KCNH8: variants seen among roughly 807,000 people sequenced by gnomAD.
KCNH8 encodes the protein potassium voltage-gated channel subfamily H member 8.
In KCNH8, 70 loss-of-function variants were observed where a neutral mutation model predicts 103.6. The ratio of observed to expected loss-of-function variants is 0.68; its 90% confidence interval spans 0.56 to 0.82. The LOEUF (loss-of-function observed/expected upper bound fraction) is 0.82. Among genes scored for constraint, KCNH8 ranks in the 40% least tolerant of loss-of-function variants. KCNH8 has a pLI of 0.00. For missense variants in KCNH8, 1,217 were observed against 1,329.9 expected, an observed-to-expected ratio of 0.92 and a Z score of 1.32; for synonymous variants, 498 against 489.4, an observed-to-expected ratio of 1.02 and a Z score of -0.23.
chr3:19,178,861 A>G (rs1428295565), intron 1 of KCNH8, among the ~76,000 whole-genome samples: 1 of 152,126 alleles, frequency 6.6e-6, no homozygotes, highest in East Asian at 1.9e-4. Context: ...GTGTTGGCTG[A>G]GCATTCTGTC....
chr3:19,402,630 C>T lies in KCNH8; in HGVS notation c.1177+7319C>T, dbSNP rs116730291. 7.4e-3 allele frequency among the ~76,000 whole-genome samples: 1,120 copies of T among 151,936 alleles called. 12 individuals are homozygous for T. The highest frequency in any genetic ancestry group is 0.026 in the African/African-American group (1,080 of 41,512). On this transcript the variant is annotated intron_variant, in intron 7 of 15. Transcript: ENST00000328405. Reference sequence around the variant, plus strand: ...ACAGGAATGTGTATATGCTATACCACAAATTCCTGTCTTCGTGTTCTCCAC... The same window carrying T: ...ACAGGAATGTGTATATGCTATACCATAAATTCCTGTCTTCGTGTTCTCCAC...
At chr3:19,219,314 T>C (rs1371497182) in intron 1 of KCNH8, among the ~76,000 whole-genome samples, 1 of 152,176 alleles carries the variant, frequency 6.6e-6, no homozygotes, top group Non-Finnish European at 1.5e-5. Flanking sequence ...TCAAACTCTT[T>C]TGTCTGTTGC....
At chr3:19,258,941 CTCTCTCTATATATATATATATA>C (rs2064386327) in intron 2 of KCNH8, among the ~76,000 whole-genome samples, 2 of 64,528 alleles carry the variant, frequency 3.1e-5, no homozygotes, top group Admixed American at 1.5e-4. Context: ...CTCTCTCTCT[CTCTCTCTATATATATATATATA>C]TATATATATA....
intron 4 of KCNH8, among the ~76,000 whole-genome samples, chr3:19,343,274 A>G (rs1328139522): frequency 6.6e-6 from 1 of 152,134 alleles, no homozygotes; most frequent in Non-Finnish European, 1.5e-5. Context: ...TCACACTTCT[A>G]GTAAATTACA....
At chr3:19,284,217 A>G (rs1232084244) in intron 3 of KCNH8, among the ~76,000 whole-genome samples, 1 of 152,092 alleles carries the variant, frequency 6.6e-6, no homozygotes, top group East Asian at 1.9e-4. Context: ...AAGTTCATCT[A>G]AGTTGTAGGA....
intron 1 of KCNH8, among the ~76,000 whole-genome samples, chr3:19,203,817 A>G (rs1029020502): frequency 2.0e-5 from 3 of 152,222 alleles, no homozygotes; most frequent in Admixed American, 1.3e-4. Context: ...TAAATATTTT[A>G]GCATTCTTAA....
At chr3:19,301,067 C>T (rs1216948857) in intron 3 of KCNH8, among the ~76,000 whole-genome samples, 1 of 151,212 alleles carries the variant, frequency 6.6e-6, no homozygotes, top group African/African-American at 2.4e-5. Flanking sequence ...GTGGTATGAG[C>T]AATATTATTA....
At chr3:19,219,068 C>G (rs2125230058) in intron 1 of KCNH8, among the ~76,000 whole-genome samples, 1 of 152,264 alleles carries the variant, frequency 6.6e-6, no homozygotes, top group East Asian at 1.9e-4. Flanking sequence ...TCTTCCTACC[C>G]ACTGTGGGGC....
chr3:19,439,908 G>A (rs1174778796), intron 8 of KCNH8, among the ~76,000 whole-genome samples: 1 of 151,888 alleles, frequency 6.6e-6, no homozygotes, highest in Non-Finnish European at 1.5e-5. Flanking sequence ...AAAAGGAACT[G>A]AAGGGAAGGA....
intron 15 of KCNH8, among the ~76,000 whole-genome samples, chr3:19,524,570 C>G (rs998358717): frequency 2.0e-4 from 30 of 151,478 alleles, no homozygotes; most frequent in African/African-American, 6.8e-4. Context: ...AAATTCTAAA[C>G]AACAATGTGG....
At chr3:19,404,779 C>T (rs2066667072) in intron 7 of KCNH8, among the ~76,000 whole-genome samples, 1 of 151,840 alleles carries the variant, frequency 6.6e-6, no homozygotes, top group East Asian at 1.9e-4. Flanking sequence ...AATTAATTTT[C>T]TAAACACCTA....
chr3:19,374,966 G>A (rs963974168), intron 5 of KCNH8, among the ~76,000 whole-genome samples: 98 of 152,078 alleles, frequency 6.4e-4, no homozygotes, highest in South Asian at 1.9e-3. Flanking sequence ...GGTTTCTGCC[G>A]AGAGATCCGC....
chr3:19,257,827 C>T lies in KCNH8; in HGVS notation c.310+3940C>T, dbSNP rs547776295. ...ACAGAAATCTGTTATCTCATAGTTC[C>T]GGAAGCTAGTAGTTCCTCTAGATGA... On this transcript the variant is annotated intron_variant, in intron 2 of 15. Transcript: ENST00000328405. Among the ~76,000 whole-genome samples the T allele has an allele frequency of 1.6e-4, 25 of 152,104 alleles. No homozygotes were observed. In the South Asian group the frequency reaches 3.7e-3, roughly 23 times the overall value.
chr3:19,283,151 G>A (rs187842572), intron 3 of KCNH8, among the ~76,000 whole-genome samples: 7 of 152,258 alleles, frequency 4.6e-5, no homozygotes, highest in African/African-American at 9.6e-5. Context: ...AAGTTAAGGA[G>A]CAGAGAGAGG....
intron 11 of KCNH8, among the ~76,000 whole-genome samples, chr3:19,497,174 G>C (rs181895233): frequency 1.3e-5 from 2 of 150,136 alleles, no homozygotes; most frequent in East Asian, 3.9e-4. Flanking sequence ...ATGGTCTGTC[G>C]TATTAATTTT....
At chr3:19,149,267 G>C (rs2063105169) in intron 1 of KCNH8, among the ~76,000 whole-genome samples, 1 of 152,058 alleles carries the variant, frequency 6.6e-6, no homozygotes, top group Admixed American at 6.6e-5. Context: ...AAGAAATGCA[G>C]GATTGCCAAG....
At chr3:19,503,911 TA>T (rs1430496657) in intron 11 of KCNH8, among the ~76,000 whole-genome samples, 1 of 151,918 alleles carries the variant, frequency 6.6e-6, no homozygotes, top group African/African-American at 2.4e-5. Context: ...ACAGGTACCC[TA>T]AAACTTAAAG....
At chr3:19,477,996 A>C (rs956460694) in intron 11 of KCNH8, among the ~76,000 whole-genome samples, 1 of 152,086 alleles carries the variant, frequency 6.6e-6, no homozygotes, top group Non-Finnish European at 1.5e-5. Context: ...TTAGCTCCCA[A>C]GTGAGAACAT....
chr3:19,451,054 C>T, intron 9 of KCNH8, 101 bp from the exon 10 acceptor site: 1 of 1,163,362 alleles, frequency 8.6e-7, no homozygotes, highest in Non-Finnish European at 1.3e-6. Flanking sequence ...GATGGCCAAA[C>T]AGCAGGAGAC....
Sources: allele counts gnomAD v4.1 joint callset (sites outside exome capture counted in the v4.1 genomes callset), GRCh38; gene constraint gnomAD v4.1.1; transcripts MANE v1.5; gene names NCBI Gene and HGNC (gene_info 2026-07-23, HGNC 2026-07-21).